The following TMC7 variants were observed in gnomAD, a reference collection of about 807,000 sequenced individuals.
The protein encoded by TMC7 is transmembrane channel like 7.
A neutral mutation model predicts 82.9 loss-of-function variants in TMC7; 54 were observed. That is an observed-to-expected ratio of 0.65 (90% CI 0.52 to 0.82). The LOEUF is 0.82. Ranked by LOEUF, TMC7 falls within the 40% of genes least tolerant of loss-of-function variation. The pLI is 0.00. For missense variants in TMC7, 820 were observed against 901.2 expected (o/e 0.91, Z 1.15); for synonymous variants, 350 against 337.9 (o/e 1.04, Z -0.39).
At chr16:19,044,243 C>T (rs1009608221) in intron 9 of TMC7, among the ~76,000 whole-genome samples, 20 of 152,160 alleles carry the variant, frequency 1.3e-4, no homozygotes, top group Non-Finnish European at 1.0e-4. Context: ...AATCTCCGCT[C>T]ACTGCAGCCT....
intron 13 of TMC7, 82 bp from the exon 14 acceptor site, chr16:19,056,460 A>G: frequency 6.6e-7 from 1 of 1,505,224 alleles, no homozygotes; most frequent in East Asian, 2.3e-5. Flanking sequence ...CATTGTTAAC[A>G]AAACATTCTG....
In TMC7 at chr16:19,014,488, A is replaced by T. The variant is rs770137054; in HGVS notation, c.312-1962A>T. ...GGTTCAAGTCCTTTTCTTTAATAGG[A>T]GCTCCCTGTCTGATGGAGGACAGAC... On this transcript the variant is annotated intron_variant, in intron 2 of 15. Coordinates refer to ENST00000304381, the MANE Select transcript of TMC7 (RefSeq NM_024847.4). Among the ~76,000 whole-genome samples the T allele has an allele frequency of 6.1e-4, 93 of 152,248 alleles. 1 individual carries two copies. The highest frequency in any genetic ancestry group is 2.1e-3 in the East Asian group (11 of 5,190).
intron 12 of TMC7, among the ~76,000 whole-genome samples, chr16:19,050,366 C>CAAAAAAAAAA (rs71143824): frequency 1.9e-4 from 16 of 83,036 alleles, no homozygotes; most frequent in African/African-American, 6.1e-4. Context: ...GATTCCGTCT[C>CAAAAAAAAAA]AAAAAAAAAA....
In TMC7 at chr16:19,010,017, T is replaced by TCCTC. The variant is rs566813930; in HGVS notation, c.311+620_311+623dup. 5.1e-4 allele frequency among the ~76,000 whole-genome samples: 75 copies of TCCTC among 147,290 alleles called. 1 individual carries two copies. The highest frequency in any genetic ancestry group is 7.7e-4 in the Non-Finnish European group (51 of 66,578). ...TTCCTTCCTTCCTTCATTCCTCCCT[T>TCCTC]CCTCCCTCCCTCCCTCCCTCCTTTC... On this transcript the variant is annotated intron_variant, in intron 2 of 15. Transcript: ENST00000304381.
intron 1 of TMC7, among the ~76,000 whole-genome samples, chr16:18,990,118 G>T (rs1028410410): frequency 6.6e-6 from 1 of 152,128 alleles, no homozygotes; most frequent in Non-Finnish European, 1.5e-5. Flanking sequence ...GAATTGCAAA[G>T]AACCTTCTTA....
intron 1 of TMC7, among the ~76,000 whole-genome samples, chr16:19,006,927 C>G (rs1165585450): frequency 6.6e-6 from 1 of 152,182 alleles, no homozygotes; most frequent in African/African-American, 2.4e-5. Flanking sequence ...AGCTATTCTT[C>G]TACCTCAGCC....
intron 5 of TMC7, among the ~76,000 whole-genome samples, chr16:19,027,061 CTTTT>C (rs35769515): frequency 3.5e-5 from 2 of 56,566 alleles, no homozygotes; most frequent in Admixed American, 3.3e-4. Flanking sequence ...CACACCTGAC[CTTTT>C]TTTTTTTTTT....
chr16:18,999,259 C>T (rs527653851), intron 1 of TMC7, among the ~76,000 whole-genome samples: 15 of 152,188 alleles, frequency 9.9e-5, no homozygotes, highest in Non-Finnish European at 1.8e-4. Context: ...CTCATCCTCT[C>T]AAAGTGTTGG....
chr16:19,054,542 C>T (rs1961680603), intron 13 of TMC7, among the ~76,000 whole-genome samples: 1 of 151,924 alleles, frequency 6.6e-6, no homozygotes, highest in African/African-American at 2.4e-5. Context: ...ATGGAGAAAC[C>T]CTGTCTCTAC....
intron 5 of TMC7, among the ~76,000 whole-genome samples, chr16:19,025,711 G>A (rs1960191459): frequency 6.6e-6 from 1 of 151,376 alleles, no homozygotes; most frequent in African/African-American, 2.4e-5. Flanking sequence ...TTGGTAGAAA[G>A]CCTTGAATTT....
chr16:19,062,078 G>A lies in TMC7; in HGVS notation c.*235G>A. ...TTTGCCTGCAGACCGGCCACTCTGT[G>A]ACAACTCTACCAAAAACCAACAAGC... is the stretch of plus-strand genomic sequence containing the variant. On this transcript the variant is annotated 3_prime_UTR_variant, in exon 16 of 16. Transcript: ENST00000304381. The A allele has an allele frequency of 2.5e-6, 1 of 400,510 alleles. No individual in the cohort carries two copies. Among genetic ancestry groups the A allele is most frequent in the Non-Finnish European group, 4.4e-6 (1 of 226,524 alleles). 24.8% of individuals were successfully genotyped at this position (400,510 alleles called of 1,614,324 possible).
intron 3 of TMC7, among the ~76,000 whole-genome samples, chr16:19,019,333 G>T (rs1304465726): frequency 6.6e-6 from 1 of 152,098 alleles, no homozygotes; most frequent in Non-Finnish European, 1.5e-5. Context: ...CCTTTTTATT[G>T]TTGTTTTATT....
At chr16:18,985,184 G>A (rs1307291002) in intron 1 of TMC7, among the ~76,000 whole-genome samples, 7 of 151,868 alleles carry the variant, frequency 4.6e-5, no homozygotes, top group Admixed American at 3.3e-4. Context: ...GCTTGAACCC[G>A]GGAGGCGGAG....
At chr16:19,026,666 A>G (rs1017915145) in intron 5 of TMC7, among the ~76,000 whole-genome samples, 5 of 152,214 alleles carry the variant, frequency 3.3e-5, no homozygotes, top group African/African-American at 7.2e-5. Flanking sequence ...TAGATGTTCA[A>G]TAAAGTAAGC....
chr16:19,029,781 A>G (rs1960422658), intron 5 of TMC7, among the ~76,000 whole-genome samples: 1 of 151,048 alleles, frequency 6.6e-6, no homozygotes. Flanking sequence ...CCCGGGTTCA[A>G]GTGATTCTCC....
intron 1 of TMC7, among the ~76,000 whole-genome samples, chr16:19,002,130 C>T (rs1410306885): frequency 6.6e-6 from 1 of 151,966 alleles, no homozygotes; most frequent in Non-Finnish European, 1.5e-5. Flanking sequence ...ATGTGGTGTC[C>T]TGTGGGAAAA....
intron 5 of TMC7, among the ~76,000 whole-genome samples, chr16:19,024,351 G>T (rs1960123949): frequency 6.6e-6 from 1 of 152,198 alleles, no homozygotes; most frequent in East Asian, 1.9e-4. Flanking sequence ...AGCCCAGAAG[G>T]TTGAGGCTGC....
rs188236217 is a variant in TMC7, at chr16:19,005,800, T to C, written c.68-3372T>C. On this transcript the variant is annotated intron_variant, in intron 1 of 15. Transcript: ENST00000304381. ...AGGGACCACACCCACCCTACCCTCATATTGGCTCTAGGGAGCCACTGCCAC... is the reference window on the plus strand; with the variant it reads ...AGGGACCACACCCACCCTACCCTCACATTGGCTCTAGGGAGCCACTGCCAC... Among the ~76,000 whole-genome samples the C allele has an allele frequency of 2.0e-5, 3 of 152,228 alleles. No homozygotes were observed. In the East Asian group the frequency reaches 5.8e-4, roughly 30 times the overall value.
In TMC7 at chr16:19,040,539, G is replaced by T. The variant is rs572384371; in HGVS notation, c.1337+93G>T. The T allele has an allele frequency of 2.3e-5, 27 of 1,189,820 alleles. No individual in the cohort carries two copies. The South Asian group carries it at 2.6e-4, about 11-fold the overall frequency. The allele number at this position is 1,189,820 out of a possible 1,614,324, so 73.7% of individuals were successfully genotyped here. On this transcript the variant is annotated intron_variant, in intron 9 of 15. Coordinates refer to ENST00000304381, the MANE Select transcript of TMC7 (RefSeq NM_024847.4). ...GCAGACATCGCTAATCAATTGTAGTGCATTTTCCTGCTGAGCCAAGAGTCC... is the reference window on the plus strand; with the variant it reads ...GCAGACATCGCTAATCAATTGTAGTTCATTTTCCTGCTGAGCCAAGAGTCC...
Sources: gnomAD v4.1 joint callset for allele counts (sites outside exome capture counted in the v4.1 genomes callset) on GRCh38, gnomAD v4.1.1 for gene constraint, MANE v1.5 for transcripts, NCBI Gene and HGNC (gene_info 2026-07-23, HGNC 2026-07-21) for gene names.